GPC5: variants seen among roughly 807,000 people sequenced by gnomAD.
The protein encoded by GPC5 is glypican-5.
GPC5 carries 47 observed loss-of-function variants against 53.9 expected under a neutral mutation model. The observed-to-expected ratio is 0.87, with a 90% CI of 0.69 to 1.11. The LOEUF is 1.11. Among genes scored for constraint, GPC5 ranks in the 50% most tolerant of loss-of-function variants. The pLI is 0.00. For missense variants in GPC5, 748 were observed against 713.1 expected, an observed-to-expected ratio of 1.05 and a Z score of -0.56; for synonymous variants, 286 against 263.3, an observed-to-expected ratio of 1.09 and a Z score of -0.84.
At chr13:92,089,950 C>T (rs144310410) in intron 6 of GPC5, among the ~76,000 whole-genome samples, 3 of 152,248 alleles carry the variant, frequency 2.0e-5, no homozygotes, top group African/African-American at 7.2e-5. Context: ...CAATATCTTG[C>T]ATAAACTTGT....
chr13:92,772,712 T>G (rs1342863878), intron 7 of GPC5, among the ~76,000 whole-genome samples: 1 of 152,226 alleles, frequency 6.6e-6, no homozygotes, highest in Non-Finnish European at 1.5e-5. Context: ...TTTTGTTCTC[T>G]GCTGTATTTC....
At chr13:91,496,032 A>C (rs979940594) in intron 2 of GPC5, among the ~76,000 whole-genome samples, 1 of 139,628 alleles carries the variant, frequency 7.2e-6, no homozygotes, top group African/African-American at 2.8e-5. Flanking sequence ...CAAAAAAAAT[A>C]AAAAATAAAA....
chr13:92,607,768 T>C (rs1423241937), intron 7 of GPC5, among the ~76,000 whole-genome samples: 2 of 152,188 alleles, frequency 1.3e-5, no homozygotes, highest in Admixed American at 1.3e-4. Flanking sequence ...TACTATTTTT[T>C]GTGGTGACAA....
At chr13:92,737,760 C>CTT (rs1403603549) in intron 7 of GPC5, among the ~76,000 whole-genome samples, 4 of 62,468 alleles carry the variant, frequency 6.4e-5, no homozygotes, top group Admixed American at 2.5e-4. Flanking sequence ...TTTTTTTTTT[C>CTT]TTTTTCTTTT....
chr13:91,492,563 A>G (rs983287590), intron 2 of GPC5, among the ~76,000 whole-genome samples: 3 of 152,150 alleles, frequency 2.0e-5, no homozygotes, highest in Non-Finnish European at 2.9e-5. Flanking sequence ...TTTTTGGTCT[A>G]TTTAGTCCAG....
intron 3 of GPC5, among the ~76,000 whole-genome samples, chr13:91,727,318 A>G (rs1208057526): frequency 6.6e-6 from 1 of 152,138 alleles, no homozygotes; most frequent in African/African-American, 2.4e-5. Context: ...CTTTGCTGAT[A>G]TCCTTCTTCA....
At chr13:92,568,394 A>G (rs1594311255) in intron 7 of GPC5, among the ~76,000 whole-genome samples, 2 of 152,214 alleles carry the variant, frequency 1.3e-5, no homozygotes, top group Non-Finnish European at 2.9e-5. Flanking sequence ...TAAGTAAAAA[A>G]GACAATTAGA....
intron 7 of GPC5, among the ~76,000 whole-genome samples, chr13:92,755,289 AAG>A (rs1366702529): frequency 2.1e-5 from 3 of 142,674 alleles, no homozygotes; most frequent in African/African-American, 7.9e-5. Flanking sequence ...AACGAGAACA[AAG>A]ACACAACATA....
At chr13:91,419,267 A>G (rs1878441683) in intron 1 of GPC5, among the ~76,000 whole-genome samples, 1 of 152,200 alleles carries the variant, frequency 6.6e-6, no homozygotes, top group Admixed American at 6.5e-5. Context: ...AGAGATTCAT[A>G]TAATCTGAAA....
chr13:92,384,137 T>TTC (rs2043772826), intron 7 of GPC5, among the ~76,000 whole-genome samples: 1 of 151,880 alleles, frequency 6.6e-6, no homozygotes, highest in South Asian at 2.1e-4. Flanking sequence ...TTTTTTTTTT[T>TTC]CACTCCAGGT....
intron 7 of GPC5, among the ~76,000 whole-genome samples, chr13:92,230,329 C>A (rs1309174394): frequency 6.6e-6 from 1 of 152,012 alleles, no homozygotes; most frequent in Non-Finnish European, 1.5e-5. Context: ...TCTGTGATTT[C>A]TTTTAAAAGT....
At chr13:92,677,121 A>C (rs1193218041) in intron 7 of GPC5, among the ~76,000 whole-genome samples, 1 of 152,142 alleles carries the variant, frequency 6.6e-6, no homozygotes, top group African/African-American at 2.4e-5. Flanking sequence ...AAAACCTTTA[A>C]CTTATTAAAA....
chr13:92,733,476 T>C (rs1888860272), intron 7 of GPC5, among the ~76,000 whole-genome samples: 1 of 151,794 alleles, frequency 6.6e-6, no homozygotes, highest in Non-Finnish European at 1.5e-5. Flanking sequence ...AATGTTGTCT[T>C]TGTTAAATTG....
chr13:92,844,066 G>C (rs1025737299), intron 7 of GPC5, among the ~76,000 whole-genome samples: 2 of 151,786 alleles, frequency 1.3e-5, no homozygotes, highest in African/African-American at 4.8e-5. Flanking sequence ...TTAGGAAACA[G>C]AGGGTGCCCA....
chr13:92,828,365 G>C (rs995932179), intron 7 of GPC5, among the ~76,000 whole-genome samples: 1 of 152,072 alleles, frequency 6.6e-6, no homozygotes, highest in African/African-American at 2.4e-5. Flanking sequence ...GTTTTTACTT[G>C]GTTATTTTAA....
At chr13:91,512,698 G>T (rs1349399624) in intron 2 of GPC5, among the ~76,000 whole-genome samples, 1 of 152,104 alleles carries the variant, frequency 6.6e-6, no homozygotes, top group Non-Finnish European at 1.5e-5. Flanking sequence ...GGCTGTTAAA[G>T]GTATGCTGAA....
intron 2 of GPC5, among the ~76,000 whole-genome samples, chr13:91,509,481 TTAAAAAGTCATGCTA>T (rs1238020637): frequency 6.7e-6 from 1 of 149,968 alleles, no homozygotes; most frequent in Non-Finnish European, 1.5e-5. Context: ...GTTTTACTGT[TTAAAAAGTCATGCTA>T]TAATAGATAT....
intron 2 of GPC5, among the ~76,000 whole-genome samples, chr13:91,502,494 T>C (rs754832656): frequency 3.2e-4 from 49 of 152,324 alleles, no homozygotes; most frequent in South Asian, 8.3e-4. Flanking sequence ...GTTACTTTGC[T>C]ACCTCTTTCT....
intron 7 of GPC5, among the ~76,000 whole-genome samples, chr13:92,473,188 T>C (rs1229542972): frequency 6.6e-6 from 1 of 152,126 alleles, no homozygotes; most frequent in African/African-American, 2.4e-5. Context: ...GCATTTATAA[T>C]ATTTTTGCAA....
Sources: allele counts gnomAD v4.1 joint callset (sites outside exome capture counted in the v4.1 genomes callset), GRCh38; gene constraint gnomAD v4.1.1; transcripts MANE v1.5; gene names NCBI Gene and HGNC (gene_info 2026-07-23, HGNC 2026-07-21).